The following CLEC4C variants were observed in gnomAD, a reference collection of about 807,000 sequenced individuals.
CLEC4C encodes C-type (calcium dependent, carbohydrate-recognition domain) lectin, superfamily member 11.
Under a neutral mutation model 27.7 loss-of-function variants are expected in CLEC4C, and 17 were observed. That is an observed-to-expected ratio of 0.61 (90% confidence interval 0.42 to 0.92). The LOEUF (loss-of-function observed/expected upper bound fraction) is 0.92. Ranked by LOEUF, CLEC4C falls within the 40% of genes least tolerant of loss-of-function variation. The probability of loss-of-function intolerance (pLI) is 0.00; values close to 1 mark genes in which losing one functional copy is unlikely to be tolerated. For synonymous variants in CLEC4C, 80 were observed against 80.8 expected, an observed-to-expected ratio of 0.99 and a Z score of 0.06; for missense variants, 244 against 257.3, an observed-to-expected ratio of 0.95 and a Z score of 0.35.
Position 7,741,427 on chromosome 12 carries a change from TG to T in CLEC4C, c.228del (p.Asp76GlufsTer2). The T allele has an allele frequency of 6.3e-7, 1 of 1,575,626 alleles. No homozygotes were observed. Among genetic ancestry groups the T allele is most frequent in the Non-Finnish European group, 8.7e-7 (1 of 1,144,498 alleles). ...PSLTCVMEGK[D>X]IEDWSCCPTP... ...GCCCATTGCAGAGTTGTACCTTCTA[TG>T]TCCTTTCCTTCCATGACGCAGGTCA... is the stretch of plus-strand genomic sequence containing the variant. On this transcript the variant is annotated frameshift_variant, in exon 3 of 6. Coordinates refer to ENST00000360345, the MANE Select transcript of CLEC4C (RefSeq NM_001371390.1). LOFTEE classifies it high-confidence loss of function.
chr12:7,745,424 C>CTTTTTTTTT lies in CLEC4C; in HGVS notation c.124+898_124+906dup, dbSNP rs140956970. ...TGTTTTTTAACTCACTCAGTCTATG[C>CTTTTTTTTT]TTTTTTTTTTTTTTTTTTTTTTTTT... On this transcript the variant is annotated intron_variant, in intron 2 of 5. Transcript: ENST00000360345. 6.2e-5 allele frequency among the ~76,000 whole-genome samples: 3 copies of CTTTTTTTTT among 48,180 alleles called. 1 individual carries two copies. Among genetic ancestry groups the CTTTTTTTTT allele is most frequent in the Non-Finnish European group, 1.0e-4 (3 of 29,528 alleles). The allele number at this position is 48,180 out of a possible 152,430, so 31.6% of individuals were successfully genotyped here. A position where few individuals can be genotyped will look rare whatever the true frequency, so the allele number is the denominator to read the frequency against.
At chr12:7,737,168 C>T (rs1864745993) in intron 4 of CLEC4C, among the ~76,000 whole-genome samples, 1 of 151,820 alleles carries the variant, frequency 6.6e-6, no homozygotes, top group Admixed American at 6.6e-5. Context: ...GAGGCGGAGG[C>T]TGCAGGGAGC....
chr12:7,742,747 T>G (rs1296615771), intron 2 of CLEC4C, among the ~76,000 whole-genome samples: 2 of 151,892 alleles, frequency 1.3e-5, no homozygotes, highest in African/African-American at 4.8e-5. Flanking sequence ...GAGGCGAAGG[T>G]TGCAGTGAGC....
At chr12:7,735,717 C>T (rs1302354484) in intron 4 of CLEC4C, among the ~76,000 whole-genome samples, 3 of 150,036 alleles carry the variant, frequency 2.0e-5, no homozygotes, top group East Asian at 4.0e-4. Context: ...AGAGGAGAAT[C>T]GCTTGAACGC....
At chr12:7,747,814 G>C (rs1034705793), upstream of CLEC4C, among the ~76,000 whole-genome samples, 13 of 140,884 alleles carry the variant, frequency 9.2e-5, no homozygotes, top group Non-Finnish European at 2.0e-4. Flanking sequence ...GCTAATTTTT[G>C]TATTTTTAGT....
At chr12:7,732,984 G>A (rs1864635974) in intron 4 of CLEC4C, among the ~76,000 whole-genome samples, 1 of 151,900 alleles carries the variant, frequency 6.6e-6, no homozygotes, top group Non-Finnish European at 1.5e-5. Context: ...ATTTATAATA[G>A]TAGTAGTTAA....
intron 1 of CLEC4C, 118 bp from the exon 2 acceptor site, chr12:7,746,541 CAG>C (rs1864986968): frequency 1.6e-6 from 1 of 626,288 alleles, no homozygotes; most frequent in African/African-American, 1.9e-5. Context: ...CTAATTAAAA[CAG>C]AAAAAATGTG....
chr12:7,737,492 CTT>C lies in CLEC4C; in HGVS notation c.316_317del (p.Lys106GlufsTer11), dbSNP rs1864755602. ...CCATCACAGAACAGTTCTTTTGACTCTTAGTCCAAGATTGCATCCCAGTAGAA... is the reference window on the plus strand; with the variant it reads ...CCATCACAGAACAGTTCTTTTGACTCAGTCCAAGATTGCATCCCAGTAGAA... ...FISTGMQSWT[K>X]SQKNCSVMGA... On this transcript the variant is annotated frameshift_variant, in exon 4 of 6. Transcript: ENST00000360345. LOFTEE classifies it high-confidence loss of function. The C allele has an allele frequency of 1.9e-6, 3 of 1,613,870 alleles. No homozygotes were observed. In the Admixed American group the frequency reaches 5.0e-5, roughly 27 times the overall value.
At chr12:7,742,838 T>C (rs1864887612) in intron 2 of CLEC4C, among the ~76,000 whole-genome samples, 1 of 113,642 alleles carries the variant, frequency 8.8e-6, no homozygotes, top group Non-Finnish European at 2.1e-5. Flanking sequence ...AATAAATAAA[T>C]AAATAAATAA....
chr12:7,735,056 C>A (rs745314019), intron 4 of CLEC4C, among the ~76,000 whole-genome samples: 1 of 151,346 alleles, frequency 6.6e-6, no homozygotes, highest in Admixed American at 6.6e-5. Flanking sequence ...CAAAAATTAG[C>A]CAGGAGCGGT....
upstream of CLEC4C, chr12:7,747,664 C>T (rs1454636743): frequency 4.4e-6 from 1 of 228,804 alleles, no homozygotes; most frequent in African/African-American, 3.3e-5. Context: ...TTTTTCTAGA[C>T]AGGGTCTCAC....
upstream of CLEC4C, chr12:7,747,553 C>A: frequency 4.5e-6 from 2 of 442,940 alleles, no homozygotes; most frequent in Non-Finnish European, 8.2e-6. Flanking sequence ...AAACATACAT[C>A]ATGTTCAGAA....
At chr12:7,747,432 G>C (rs1427094802), upstream of CLEC4C, 3 of 1,419,210 alleles carry the variant, frequency 2.1e-6, no homozygotes, top group East Asian at 2.3e-5. Flanking sequence ...TGTTACTTTC[G>C]GGGTGTGGTT....
chr12:7,745,973 T>C (rs1864964381), intron 2 of CLEC4C, among the ~76,000 whole-genome samples: 2 of 151,482 alleles, frequency 1.3e-5, no homozygotes, highest in South Asian at 4.2e-4. Context: ...CCCAGCACTT[T>C]GGGAGGCCAA....
intron 4 of CLEC4C, among the ~76,000 whole-genome samples, chr12:7,731,160 C>G (rs1864588231): frequency 6.6e-6 from 1 of 152,020 alleles, no homozygotes; most frequent in Non-Finnish European, 1.5e-5. Flanking sequence ...ACAATGGACC[C>G]CAGTAAAACA....
intron 3 of CLEC4C, among the ~76,000 whole-genome samples, chr12:7,740,989 T>C (rs10845813): frequency 0.65 from 97,997 of 151,530 alleles, 32,231 homozygotes; most frequent in Middle Eastern, 0.82. Flanking sequence ...TACAGGCGCC[T>C]GCCACTGCAC....
At chr12:7,735,934 A>G (rs1259492550) in intron 4 of CLEC4C, among the ~76,000 whole-genome samples, 2 of 152,204 alleles carry the variant, frequency 1.3e-5, no homozygotes, top group East Asian at 3.8e-4. Flanking sequence ...CAATAATTGA[A>G]TTTAGATGTT....
chr12:7,737,444 G>A lies in CLEC4C; in HGVS notation c.366C>T (p.Asn122=). The change falls in exon 4 of 6, where the codon AAC becomes AAT. Residue 122 remains asparagine, a synonymous_variant. Transcript: ENST00000360345. ...SVMGADLVVI[N]TREEQDFIIQ... ...TAGAACATACCTGTTCTTCCCTGGT[G>A]TTGATCACCACCAGATCAGCCCCCA... is the stretch of plus-strand genomic sequence containing the variant. 1 of 1,612,966 alleles carries A rather than the reference G, an allele frequency of 6.2e-7. No individual in the cohort carries two copies. The highest frequency in any genetic ancestry group is 1.1e-5 in the South Asian group (1 of 90,872).
intron 3 of CLEC4C, among the ~76,000 whole-genome samples, chr12:7,740,500 G>A (rs1864828141): frequency 6.6e-6 from 1 of 151,710 alleles, no homozygotes; most frequent in East Asian, 2.0e-4. Context: ...AGGAGTTCAC[G>A]ACCAGCCTGG....
Sources: allele counts gnomAD v4.1 joint callset (sites outside exome capture counted in the v4.1 genomes callset), GRCh38; gene constraint gnomAD v4.1.1; transcripts MANE v1.5; gene names NCBI Gene and HGNC (gene_info 2026-07-23, HGNC 2026-07-21).